NBAS: variants seen among roughly 807,000 people sequenced by gnomAD.
NBAS encodes NBAS subunit of NRZ tethering complex, also known as NAG/BC035112 fusion.
In NBAS, 219 loss-of-function variants were observed where a neutral mutation model predicts 302.5. The observed-to-expected ratio is 0.72, with a 90% confidence interval of 0.65 to 0.81. NBAS has a LOEUF of 0.81. Among genes scored for constraint, NBAS ranks in the 30% least tolerant of loss-of-function variants. The pLI, the probability that NBAS is intolerant of heterozygous loss-of-function variation, is 0.00. For synonymous variants in NBAS, 1,118 were observed against 1,021.6 expected (o/e 1.09, Z -1.80); for missense variants, 2,932 against 2,841.6 (o/e 1.03, Z -0.72).
At chr2:15,021,217 A>G in the NBAS span, among the ~76,000 whole-genome samples, 1 of 152,054 alleles carries the variant, frequency 6.6e-6, no homozygotes, top group African/African-American at 2.4e-5. Context: ...TGGGTGACAG[A>G]CTGAGACCCT....
chr2:15,361,404 T>A (rs930735873), intron 32 of NBAS, among the ~76,000 whole-genome samples: 2 of 151,872 alleles, frequency 1.3e-5, no homozygotes, highest in South Asian at 2.1e-4. Context: ...TCCCAGCTAC[T>A]CGGGAGGCTG....
the NBAS span, among the ~76,000 whole-genome samples, chr2:14,909,060 C>T: frequency 2.6e-5 from 4 of 152,054 alleles, no homozygotes; most frequent in Middle Eastern, 3.2e-3. Context: ...TGGCCGGGCG[C>T]GGTGGCTTAC....
At chr2:15,462,513 CT>C (rs1032691593) in intron 19 of NBAS, among the ~76,000 whole-genome samples, 5 of 152,056 alleles carry the variant, frequency 3.3e-5, no homozygotes, top group African/African-American at 1.2e-4. Flanking sequence ...TCCTAGCACA[CT>C]GCCTGTCAGT....
the NBAS span, among the ~76,000 whole-genome samples, chr2:15,109,353 C>T: frequency 6.6e-6 from 1 of 152,152 alleles, no homozygotes; most frequent in Non-Finnish European, 1.5e-5. Flanking sequence ...CCACTGCTGT[C>T]TCATGCAACT....
intron 44 of NBAS, among the ~76,000 whole-genome samples, chr2:15,265,310 G>C (rs183304876): frequency 4.0e-4 from 61 of 152,258 alleles, no homozygotes; most frequent in African/African-American, 1.5e-3. Context: ...GATATCTCCT[G>C]CTTGTTGAAC....
At chr2:15,456,908 G>T (rs1679272882) in intron 21 of NBAS, among the ~76,000 whole-genome samples, 1 of 152,060 alleles carries the variant, frequency 6.6e-6, no homozygotes, top group Non-Finnish European at 1.5e-5. Context: ...GCTATGAAGA[G>T]AAACAGAGTA....
intron 30 of NBAS, among the ~76,000 whole-genome samples, chr2:15,376,437 G>A (rs1674741865): frequency 6.6e-6 from 1 of 152,128 alleles, no homozygotes; most frequent in Admixed American, 6.6e-5. Flanking sequence ...AGTTTCAAAG[G>A]CTATTTGGTA....
intron 50 of NBAS, among the ~76,000 whole-genome samples, chr2:15,184,595 A>G (rs967299405): frequency 6.6e-6 from 1 of 152,184 alleles, no homozygotes; most frequent in African/African-American, 2.4e-5. Context: ...CAGGAGGTGG[A>G]ACTGAGACAG....
intron 44 of NBAS, among the ~76,000 whole-genome samples, chr2:15,245,425 G>C (rs1259994591): frequency 6.6e-6 from 1 of 152,040 alleles, no homozygotes; most frequent in Non-Finnish European, 1.5e-5. Flanking sequence ...CATCTTATCC[G>C]AGAGGCCTTC....
the NBAS span, among the ~76,000 whole-genome samples, chr2:14,829,949 A>C: frequency 2.0e-5 from 3 of 152,228 alleles, no homozygotes; most frequent in African/African-American, 7.2e-5. Flanking sequence ...AATTTCTTTC[A>C]GTTGCAAGTA....
At chr2:14,810,608 T>C in the NBAS span, among the ~76,000 whole-genome samples, 1 of 152,208 alleles carries the variant, frequency 6.6e-6, no homozygotes, top group African/African-American at 2.4e-5. Context: ...ATACAGCTGG[T>C]CTGGTTTCAG....
the NBAS span, among the ~76,000 whole-genome samples, chr2:14,822,071 CA>C: frequency 6.6e-6 from 1 of 151,788 alleles, no homozygotes; most frequent in African/African-American, 2.4e-5. Context: ...AAATGACACC[CA>C]AAAATGTTAT....
At chr2:14,891,709 G>A in the NBAS span, among the ~76,000 whole-genome samples, 1 of 152,122 alleles carries the variant, frequency 6.6e-6, no homozygotes, top group Non-Finnish European at 1.5e-5. Context: ...GGAATTCCCA[G>A]GCCCATGCGT....
chr2:15,031,865 CT>C, the NBAS span, among the ~76,000 whole-genome samples: 3 of 152,296 alleles, frequency 2.0e-5, no homozygotes, highest in Non-Finnish European at 4.4e-5. Context: ...GGAGATTATC[CT>C]GGATCTTGCC....
intron 9 of NBAS, among the ~76,000 whole-genome samples, chr2:15,519,800 C>T (rs1662576265): frequency 6.6e-6 from 1 of 152,068 alleles, no homozygotes; most frequent in African/African-American, 2.4e-5. Context: ...TGGTCAGGGA[C>T]CACATTTTGA....
intron 48 of NBAS, among the ~76,000 whole-genome samples, chr2:15,203,023 T>A (rs1665951969): frequency 6.6e-6 from 1 of 152,192 alleles, no homozygotes; most frequent in South Asian, 2.1e-4. Flanking sequence ...TAAAAATACC[T>A]CTCTTAGCCT....
the NBAS span, among the ~76,000 whole-genome samples, chr2:15,120,905 G>A: frequency 6.6e-6 from 1 of 152,170 alleles, no homozygotes; most frequent in South Asian, 2.1e-4. Flanking sequence ...GGACGGCAGG[G>A]GTTTCTTTCT....
chr2:15,030,204 C>CA, the NBAS span, among the ~76,000 whole-genome samples: 698 of 149,616 alleles, frequency 4.7e-3, 8 homozygotes, highest in African/African-American at 0.014. Context: ...TATTTTCCCA[C>CA]AAAAAAAAAT....
At position 15,410,055 on chromosome 2, in the gene NBAS, A is replaced by C. The variant is rs115065557; in HGVS notation, c.2937+5491T>G. ...CTGCCCCCACATTCCCCACTCCCCT[A>C]GAATCCAGAATACATACCCAGGGAG... On this transcript the variant is annotated intron_variant, in intron 25 of 51. Transcript: ENST00000281513. 6.7e-3 allele frequency among the ~76,000 whole-genome samples: 1,024 copies of C among 152,248 alleles called. 12 individuals are homozygous for C. Among genetic ancestry groups the C allele is most frequent in the African/African-American group, 0.022 (923 of 41,540 alleles).
Sources: allele counts gnomAD v4.1 joint callset (sites outside exome capture counted in the v4.1 genomes callset), GRCh38; gene constraint gnomAD v4.1.1; transcripts MANE v1.5; gene names NCBI Gene and HGNC (gene_info 2026-07-23, HGNC 2026-07-21).